NRG1: variants seen among roughly 807,000 people sequenced by gnomAD.
NRG1 encodes neuregulin 1, also known as pro-neuregulin-1, membrane-bound isoform.
NRG1 carries 18 observed loss-of-function variants against 63.8 expected under a neutral mutation model. That is an observed-to-expected ratio of 0.28 (90% confidence interval 0.19 to 0.42). The LOEUF is 0.42. NRG1 is among the 10% of genes least tolerant of loss of function. NRG1 has a pLI of 1.00. For missense variants in NRG1, 762 were observed against 814.7 expected (o/e 0.94, Z 0.79); for synonymous variants, 302 against 301.3 (o/e 1.00, Z -0.02).
At chr8:31,855,746 G>C (rs1049465495) in intron 1 of NRG1, among the ~76,000 whole-genome samples, 1 of 152,134 alleles carries the variant, frequency 6.6e-6, no homozygotes, top group Admixed American at 6.5e-5. Context: ...TGCAGCGGCT[G>C]GTACCGGTTG....
chr8:32,178,088 A>AGAATTCT (rs1422469334), intron 1 of NRG1, among the ~76,000 whole-genome samples: 2 of 152,150 alleles, frequency 1.3e-5, no homozygotes, highest in Non-Finnish European at 2.9e-5. Context: ...TAAAAGGCCC[A>AGAATTCT]GAATTCTGAA....
intron 1 of NRG1, among the ~76,000 whole-genome samples, chr8:32,168,514 G>T (rs147392669): frequency 6.6e-6 from 1 of 152,162 alleles, no homozygotes; most frequent in African/African-American, 2.4e-5. Flanking sequence ...TGGAAGTGAA[G>T]GTCTTGTTGC....
intron 1 of NRG1, among the ~76,000 whole-genome samples, chr8:31,956,354 G>A (rs1371076595): frequency 1.3e-5 from 2 of 152,114 alleles, no homozygotes; most frequent in African/African-American, 4.8e-5. Context: ...TCTAGGTTGG[G>A]TGCGGTAAAT....
intron 1 of NRG1, among the ~76,000 whole-genome samples, chr8:31,743,560 A>ATG (rs71974137): frequency 5.4e-4 from 81 of 151,258 alleles, no homozygotes; most frequent in Non-Finnish European, 9.2e-4. Context: ...ATTGTTTAAT[A>ATG]TGTGTGTGTG....
rs60756372 is a variant in NRG1 at position 31,795,672 on chromosome 8, AT to A, written c.37+156250del. Among the ~76,000 whole-genome samples the A allele has an allele frequency of 1.9e-3, 287 of 151,382 alleles. 2 individuals carry two copies. The highest frequency in any genetic ancestry group is 6.8e-3 in the African/African-American group (281 of 41,320). The stretch of plus-strand genomic sequence containing the variant: ...TGTTTAATCTTGGCTAGGTCAGCCC[AT>A]TTTTTTTTGTTTGATATTACACATT... On this transcript the variant is annotated intron_variant, in intron 1 of 10. Transcript: ENST00000519301.
At chr8:32,054,000 A>G (rs562477466) in intron 1 of NRG1, among the ~76,000 whole-genome samples, 2 of 152,352 alleles carry the variant, frequency 1.3e-5, no homozygotes, top group African/African-American at 4.8e-5. Flanking sequence ...ATGAAAAAAT[A>G]TAGACAGTTA....
At chr8:32,351,929 G>T (rs1162429364) in intron 1 of NRG1, among the ~76,000 whole-genome samples, 1 of 151,898 alleles carries the variant, frequency 6.6e-6, no homozygotes, top group African/African-American at 2.4e-5. Context: ...TTAAGTGATG[G>T]TCACAGACCA....
At chr8:31,826,304 G>A (rs1001792568) in intron 1 of NRG1, among the ~76,000 whole-genome samples, 32 of 152,102 alleles carry the variant, frequency 2.1e-4, no homozygotes, top group Admixed American at 1.8e-3. Flanking sequence ...TGTAGCTCCC[G>A]TAATTGCAGG....
chr8:31,994,228 G>A (rs1016792611), intron 1 of NRG1, among the ~76,000 whole-genome samples: 2 of 151,878 alleles, frequency 1.3e-5, no homozygotes, highest in Admixed American at 6.6e-5. Flanking sequence ...ATTGAGAGAC[G>A]GGAGCAATCT....
At chr8:31,855,310 T>G (rs1027878551) in intron 1 of NRG1, among the ~76,000 whole-genome samples, 5 of 152,212 alleles carry the variant, frequency 3.3e-5, no homozygotes, top group African/African-American at 1.2e-4. Flanking sequence ...ATTGGGTGCA[T>G]ATATGTTTAG....
chr8:32,742,796 TG>T lies in NRG1; in HGVS notation c.691+64del. On this transcript the variant is annotated intron_variant, in intron 7 of 11. Coordinates refer to ENST00000356819, the Ensembl canonical transcript of NRG1. This position sits in a 1 kb window ranked among gnomAD's most constrained non-coding sequence, Gnocchi z 4.2. The stretch of plus-strand genomic sequence containing the variant: ...GCATGCTCAGTTGGTGCTGCTTTCT[TG>T]TTGCTGCATCTCCCCTCAGATTCCA... 1 of 1,613,224 alleles carries T rather than the reference TG, an allele frequency of 6.2e-7. No individual in the cohort carries two copies. The highest frequency in any genetic ancestry group is 8.5e-7 in the Non-Finnish European group (1 of 1,179,354).
chr8:32,345,326 A>G (rs1242685576), intron 1 of NRG1, among the ~76,000 whole-genome samples: 2 of 152,110 alleles, frequency 1.3e-5, no homozygotes, highest in African/African-American at 2.4e-5. Flanking sequence ...GAAGCTAACT[A>G]TGTAGACTGA....
chr8:32,667,845 G>A (rs999493599), intron 5 of NRG1, among the ~76,000 whole-genome samples: 3 of 152,070 alleles, frequency 2.0e-5, no homozygotes, highest in Non-Finnish European at 4.4e-5. Context: ...TTATAAAAAG[G>A]ATCTCATTAC....
At chr8:32,080,710 G>T (rs1827314521) in intron 1 of NRG1, among the ~76,000 whole-genome samples, 1 of 151,834 alleles carries the variant, frequency 6.6e-6, no homozygotes, top group Non-Finnish European at 1.5e-5. Context: ...GTGAGATATG[G>T]CAGGGAATAT....
intron 1 of NRG1, among the ~76,000 whole-genome samples, chr8:31,803,580 C>A (rs1240740325): frequency 6.6e-6 from 1 of 152,160 alleles, no homozygotes; most frequent in Non-Finnish European, 1.5e-5. Flanking sequence ...AAATCCCATG[C>A]CTTGAATGTA....
At chr8:31,729,981 A>G (rs1295813012) in intron 1 of NRG1, among the ~76,000 whole-genome samples, 2 of 152,132 alleles carry the variant, frequency 1.3e-5, no homozygotes, top group Admixed American at 6.6e-5. Context: ...AAGAATTCCT[A>G]CGGAGTATAG....
chr8:32,338,405 A>C (rs1212377204), intron 1 of NRG1, among the ~76,000 whole-genome samples: 6 of 152,134 alleles, frequency 3.9e-5, no homozygotes, highest in African/African-American at 1.4e-4. Flanking sequence ...TTAACTTGGC[A>C]TGTGTCATAC....
chr8:31,960,274 T>G (rs1805228489), intron 1 of NRG1, among the ~76,000 whole-genome samples: 1 of 152,180 alleles, frequency 6.6e-6, no homozygotes, highest in Non-Finnish European at 1.5e-5. Flanking sequence ...TATTCTAGGC[T>G]ATCCTTTATG....
chr8:32,771,242 C>A (rs1307508606), downstream of NRG1, among the ~76,000 whole-genome samples: 1 of 148,876 alleles, frequency 6.7e-6, no homozygotes, highest in Non-Finnish European at 1.5e-5. Flanking sequence ...TCTCAAGTAG[C>A]TGGGACTACA....
Sources: allele counts gnomAD v4.1 joint callset (sites outside exome capture counted in the v4.1 genomes callset), GRCh38; gene constraint gnomAD v4.1.1; non-coding constraint Gnocchi (gnomAD v3.1); transcripts MANE v1.5; gene names NCBI Gene and HGNC (gene_info 2026-07-23, HGNC 2026-07-21).